The following TAFA5 variants were observed in gnomAD, a reference collection of about 807,000 sequenced individuals.
The protein encoded by TAFA5 is TAFA chemokine like family member 5, also known as chemokine-like protein TAFA-5.
TAFA5 carries 6 observed loss-of-function variants against 15.3 expected under a neutral mutation model. The ratio of observed to expected loss-of-function variants is 0.39; its 90% CI spans 0.21 to 0.77. The LOEUF is 0.77. Among genes scored for constraint, TAFA5 ranks in the 30% least tolerant of loss-of-function variants. The probability of loss-of-function intolerance (pLI) is 0.41; values close to 1 mark genes in which losing one functional copy is unlikely to be tolerated. For synonymous variants in TAFA5, 103 were observed against 80.7 expected, an observed-to-expected ratio of 1.28 and a Z score of -1.48; for missense variants, 161 against 193.1, an observed-to-expected ratio of 0.83 and a Z score of 0.98.
At chr22:48,532,877 T>G (rs939780569) in intron 1 of TAFA5, among the ~76,000 whole-genome samples, 1 of 152,196 alleles carries the variant, frequency 6.6e-6, no homozygotes, top group African/African-American at 2.4e-5. Flanking sequence ...GGACACACAC[T>G]GTCTTTGCAA....
At chr22:48,579,361 C>G (rs1206600764) in intron 1 of TAFA5, among the ~76,000 whole-genome samples, 1 of 152,208 alleles carries the variant, frequency 6.6e-6, no homozygotes, top group Non-Finnish European at 1.5e-5. Flanking sequence ...CTTGCCTTGT[C>G]ATCCTTAGGA....
At position 48,652,266 on chromosome 22, in the gene TAFA5, G is replaced by A. The variant is rs1332488911; in HGVS notation, c.262+5520G>A. Among the ~76,000 whole-genome samples the A allele has an allele frequency of 2.6e-5, 4 of 152,194 alleles. No homozygotes were observed. The East Asian group carries it at 5.8e-4, about 22-fold the overall frequency. ...GAGTGCGCCAAGGTCCCTAAGATGC[G>A]GTGTCTGTGGCCGAGTCAGCCTGCA... On this transcript the variant is annotated intron_variant, in intron 2 of 3. Coordinates refer to ENST00000402357, the MANE Select transcript of TAFA5 (RefSeq NM_001082967.3).
chr22:48,745,850 C>T (rs1054158556), intron 3 of TAFA5, among the ~76,000 whole-genome samples: 8 of 152,188 alleles, frequency 5.3e-5, no homozygotes, highest in Admixed American at 1.3e-4. Flanking sequence ...CTCCTGGCAG[C>T]ACCACGGGAA....
At chr22:48,697,940 G>C (rs1928771274) in intron 2 of TAFA5, among the ~76,000 whole-genome samples, 1 of 148,792 alleles carries the variant, frequency 6.7e-6, no homozygotes, top group Non-Finnish European at 1.5e-5. Flanking sequence ...GTGATGATGT[G>C]TGATGGTGAG....
At chr22:48,655,830 CTTTTTTTTTTTTT>C (rs1197219539) in intron 2 of TAFA5, among the ~76,000 whole-genome samples, 106 of 62,410 alleles carry the variant, frequency 1.7e-3, no homozygotes, top group Admixed American at 2.6e-3. Context: ...AACACTGATT[CTTTTTTTTTTTTT>C]TTTTTTTTTT....
rs62223656 is a variant in TAFA5, at chr22:48,552,768, G to A, written c.112+63064G>A. Among the ~76,000 whole-genome samples the A allele has an allele frequency of 6.9e-4, 105 of 152,222 alleles. No homozygotes were observed. The highest frequency in any genetic ancestry group is 1.2e-3 in the Non-Finnish European group (83 of 68,008). On this transcript the variant is annotated intron_variant, in intron 1 of 3. Coordinates refer to ENST00000402357, the MANE Select transcript of TAFA5 (RefSeq NM_001082967.3). This position sits in a 1 kb window ranked among gnomAD's most constrained non-coding sequence, Gnocchi z 4.1. ...ACATTTATCATCCTCCGAGGGGCCC[G>A]GCCAGGCTCCCAGGGAAGAGGAGGG...
At chr22:48,605,864 A>G (rs73427942) in intron 1 of TAFA5, among the ~76,000 whole-genome samples, 24,906 of 152,028 alleles carry the variant, frequency 0.16, 2,559 homozygotes, top group African/African-American at 0.29. Context: ...CTAATCCTGG[A>G]GTGTAAGCGT....
intron 1 of TAFA5, among the ~76,000 whole-genome samples, chr22:48,618,551 G>A (rs1472754215): frequency 6.6e-6 from 1 of 152,140 alleles, no homozygotes; most frequent in Non-Finnish European, 1.5e-5. Flanking sequence ...GGCCTCGTCC[G>A]CACCCGCAGC....
At chr22:48,524,007 C>T (rs1921695810) in intron 1 of TAFA5, among the ~76,000 whole-genome samples, 1 of 152,240 alleles carries the variant, frequency 6.6e-6, no homozygotes, top group South Asian at 2.1e-4. Context: ...CGGGGCCGGG[C>T]TGGCCTGTGA....
intron 2 of TAFA5, 78 bp downstream of exon 2, chr22:48,646,824 C>T (rs1926883794): frequency 2.7e-6 from 4 of 1,484,488 alleles, no homozygotes; most frequent in Admixed American, 4.2e-5. Context: ...TGACGCGGCC[C>T]CTTACCTGAA....
intron 1 of TAFA5, among the ~76,000 whole-genome samples, chr22:48,587,380 A>G (rs947999908): frequency 6.6e-6 from 1 of 152,168 alleles, no homozygotes; most frequent in African/African-American, 2.4e-5. Context: ...CTGTGTCCTC[A>G]GCCACACTGG....
rs980760811 is a variant in TAFA5, at chr22:48,562,115, T to A, written c.112+72411T>A. On this transcript the variant is annotated intron_variant, in intron 1 of 3. Transcript: ENST00000402357. Reference sequence around the variant, plus strand: ...GCTGCCCTCCTTATCCTAAGCCCCCTCATTTCCCCAGAGCCTTTCTTTTTT... The same window carrying A: ...GCTGCCCTCCTTATCCTAAGCCCCCACATTTCCCCAGAGCCTTTCTTTTTT... Among the ~76,000 whole-genome samples, 13 of 152,292 alleles carry A rather than the reference T, an allele frequency of 8.5e-5. No homozygotes were observed. The South Asian group carries it at 2.5e-3, about 29-fold the overall frequency.
At chr22:48,540,303 G>T (rs915080683) in intron 1 of TAFA5, among the ~76,000 whole-genome samples, 3 of 152,130 alleles carry the variant, frequency 2.0e-5, no homozygotes, top group Non-Finnish European at 4.4e-5. Context: ...CAGGGCGGTG[G>T]GGGGAGGTGG....
intron 1 of TAFA5, among the ~76,000 whole-genome samples, chr22:48,638,296 C>A (rs1926525718): frequency 7.1e-6 from 1 of 141,542 alleles, no homozygotes; most frequent in Non-Finnish European, 1.5e-5. Flanking sequence ...GACACTAAGC[C>A]ACACATAGGC....
intron 3 of TAFA5, among the ~76,000 whole-genome samples, chr22:48,725,598 G>A (rs78744626): frequency 0.018 from 2,749 of 152,160 alleles, 91 homozygotes; most frequent in African/African-American, 0.063. Flanking sequence ...AGATGGATAC[G>A]GAGACACCAA....
intron 2 of TAFA5, among the ~76,000 whole-genome samples, chr22:48,670,709 G>A (rs1013074034): frequency 6.6e-6 from 1 of 152,256 alleles, no homozygotes; most frequent in Non-Finnish European, 1.5e-5. Context: ...GTCTCATCAG[G>A]ATGTAGGAAA....
chr22:48,555,399 G>C (rs765416814), intron 1 of TAFA5, among the ~76,000 whole-genome samples: 4 of 152,234 alleles, frequency 2.6e-5, no homozygotes, highest in Admixed American at 1.3e-4. Context: ...CGTGTCCTGC[G>C]AGGGATTTCC....
Position 48,742,599 on chromosome 22 carries a change from T to A in TAFA5, c.391-7240T>A, listed in dbSNP as rs149468149. Among the ~76,000 whole-genome samples the A allele has an allele frequency of 9.9e-4, 150 of 151,978 alleles. No individual in the cohort carries two copies. The highest frequency in any genetic ancestry group is 3.3e-3 in the African/African-American group (136 of 41,432). ...GGGCAGCGTGATGGACCAGGCGACA[T>A]GGTGGACCGGGCCGCATGGTGGACC... On this transcript the variant is annotated intron_variant, in intron 3 of 3. Transcript: ENST00000402357. This position sits in a 1 kb window ranked among gnomAD's most constrained non-coding sequence, Gnocchi z 6.2.
At chr22:48,559,575 G>A (rs570407420) in intron 1 of TAFA5, among the ~76,000 whole-genome samples, 1 of 152,134 alleles carries the variant, frequency 6.6e-6, no homozygotes, top group African/African-American at 2.4e-5. Context: ...CGTCCCCAAG[G>A]CTTCTCCCTG....
Sources: allele counts gnomAD v4.1 joint callset (sites outside exome capture counted in the v4.1 genomes callset), GRCh38; gene constraint gnomAD v4.1.1; non-coding constraint Gnocchi (gnomAD v3.1); transcripts MANE v1.5; gene names NCBI Gene and HGNC (gene_info 2026-07-23, HGNC 2026-07-21).